The following ADGRB1 variants were observed in gnomAD, a reference collection of about 807,000 sequenced individuals.
ADGRB1 encodes the protein adhesion G protein-coupled receptor B1.
ADGRB1 carries 36 observed loss-of-function variants against 175.7 expected under a neutral mutation model. That is an observed-to-expected ratio of 0.20 (90% CI 0.16 to 0.27). The LOEUF is 0.27. ADGRB1 is among the 10% of genes least tolerant of loss of function. The probability of loss-of-function intolerance (pLI) is 1.00; values close to 1 mark genes in which losing one functional copy is unlikely to be tolerated. For missense variants in ADGRB1, 1,731 were observed against 2,255.3 expected, an observed-to-expected ratio of 0.77 and a Z score of 4.71; for synonymous variants, 1,054 against 979.4, an observed-to-expected ratio of 1.08 and a Z score of -1.42.
intron 2 of ADGRB1, among the ~76,000 whole-genome samples, chr8:142,471,044 G>C (rs1840635294): frequency 6.6e-6 from 1 of 152,176 alleles, no homozygotes. Context: ...GTCTCATGGT[G>C]ACAGGGAGCA....
At chr8:142,453,228 G>C (rs1399790357) in intron 1 of ADGRB1, among the ~76,000 whole-genome samples, 1 of 152,160 alleles carries the variant, frequency 6.6e-6, no homozygotes, top group Non-Finnish European at 1.5e-5. Flanking sequence ...CGGGAGGCTG[G>C]GGGCACGTGT....
rs538528971 is a variant in ADGRB1, at chr8:142,537,308, C to A, written c.3666+226C>A. Among the ~76,000 whole-genome samples the A allele has an allele frequency of 3.3e-5, 5 of 152,024 alleles. No homozygotes were observed. The highest frequency in any genetic ancestry group is 1.2e-4 in the African/African-American group (5 of 41,372). On this transcript the variant is annotated intron_variant, in intron 26 of 30. Coordinates refer to ENST00000517894, the MANE Select transcript of ADGRB1 (RefSeq NM_001702.3). The surrounding 1 kb of genome is among the most constrained non-coding windows in gnomAD (Gnocchi z 4.6). ...GAGCTGATGAGTTTGGAGGTCTCAG[C>A]GGAGGCTGGCATCCACCCCACACTC...
At chr8:142,466,779 G>A (rs1400729654) in intron 2 of ADGRB1, among the ~76,000 whole-genome samples, 2 of 152,156 alleles carry the variant, frequency 1.3e-5, no homozygotes, top group African/African-American at 2.4e-5. Flanking sequence ...TTTGGGAGGT[G>A]GGAGGCTGCA....
intron 3 of ADGRB1, 27 bp downstream of exon 3, chr8:142,475,662 C>G: frequency 8.2e-7 from 1 of 1,214,788 alleles, no homozygotes; most frequent in Non-Finnish European, 1.0e-6. Context: ...CGGGGCGGAG[C>G]CGGAGCCCTG....
At chr8:142,512,551 G>A (rs1843162785) in intron 18 of ADGRB1, among the ~76,000 whole-genome samples, 1 of 152,188 alleles carries the variant, frequency 6.6e-6, no homozygotes, top group African/African-American at 2.4e-5. Context: ...CCAGCCCGGT[G>A]TCAGGCCTGC....
At chr8:142,502,735 G>A (rs1444702362) in intron 17 of ADGRB1, among the ~76,000 whole-genome samples, 3 of 151,768 alleles carry the variant, frequency 2.0e-5, no homozygotes, top group African/African-American at 4.9e-5. Flanking sequence ...AGTGGTGGTG[G>A]TTGTGATATA....
chr8:142,501,575 C>T (rs190456163), intron 17 of ADGRB1, among the ~76,000 whole-genome samples: 3 of 98,870 alleles, frequency 3.0e-5, no homozygotes, highest in African/African-American at 9.8e-5. Context: ...ATGGTGGTGG[C>T]GGTGATGGCG....
chr8:142,514,885 A>G (rs1843329038), intron 18 of ADGRB1, among the ~76,000 whole-genome samples: 2 of 152,136 alleles, frequency 1.3e-5, no homozygotes, highest in African/African-American at 4.8e-5. Context: ...GGCTTAGTCT[A>G]TGACTAGAGA....
intron 22 of ADGRB1, among the ~76,000 whole-genome samples, chr8:142,523,515 AG>A (rs1390328551): frequency 6.6e-6 from 1 of 151,926 alleles, no homozygotes; most frequent in Non-Finnish European, 1.5e-5. Flanking sequence ...CTGAGGGCCC[AG>A]GGGGTGAGTG....
At chr8:142,523,137 A>C (rs1587408054) in intron 22 of ADGRB1, among the ~76,000 whole-genome samples, 1 of 152,300 alleles carries the variant, frequency 6.6e-6, no homozygotes, top group African/African-American at 2.4e-5. Context: ...CAGGGGTCGG[A>C]GGCTTATTTC....
At chr8:142,499,441 G>C (rs1260431984) in intron 17 of ADGRB1, among the ~76,000 whole-genome samples, 1 of 152,262 alleles carries the variant, frequency 6.6e-6, no homozygotes, top group Non-Finnish European at 1.5e-5. Context: ...GGGGGCCGGA[G>C]ACTTGGGGTA....
chr8:142,474,994 T>G lies in ADGRB1; in HGVS notation c.785-480T>G, dbSNP rs183297670. 3.0e-3 allele frequency among the ~76,000 whole-genome samples: 464 copies of G among 152,196 alleles called. 1 individual carries two copies. Among genetic ancestry groups the G allele is most frequent in the African/African-American group, 0.01 (429 of 41,524 alleles). On this transcript the variant is annotated intron_variant, in intron 2 of 30. Transcript: ENST00000517894. This position sits in a 1 kb window ranked among gnomAD's most constrained non-coding sequence, Gnocchi z 5.8. ...CAGGTCACAGCTGGGGTGTGAAATG[T>G]GGAGCCCTGGTGATGAGGGTGGTGA... is the stretch of plus-strand genomic sequence containing the variant.
rs1248141310 is a variant in ADGRB1 at position 142,481,333 on chromosome 8, C to T, written c.1908C>T (p.Ser636=). The change falls in exon 10 of 31, where the codon TCC becomes TCT. Residue 636 remains serine (S), a synonymous_variant. Coordinates refer to ENST00000517894, the MANE Select transcript of ADGRB1 (RefSeq NM_001702.3). ...CCCCCACCTACATCCGCTGTGTTTCCATTGACTACAGAAACATCCAGATGA... is the reference window on the plus strand; with the variant it reads ...CCCCCACCTACATCCGCTGTGTTTCTATTGACTACAGAAACATCCAGATGA... The part of the protein sequence containing the change: ...WEPPTYIRCV[S]IDYRNIQMMT... The T allele has an allele frequency of 1.9e-6, 3 of 1,613,762 alleles. No homozygotes were observed. The highest frequency in any genetic ancestry group is 2.2e-5 in the East Asian group (1 of 44,884).
Position 142,492,332 on chromosome 8 carries a change from A to G in ADGRB1, c.2675+1517A>G, listed in dbSNP as rs1587334545. Among the ~76,000 whole-genome samples the G allele has an allele frequency of 6.6e-6, 1 of 152,010 alleles. No homozygotes were observed. The highest frequency in any genetic ancestry group is 1.9e-4 in the East Asian group (1 of 5,180). On this transcript the variant is annotated intron_variant, in intron 17 of 30. Coordinates refer to ENST00000517894, the MANE Select transcript of ADGRB1 (RefSeq NM_001702.3). This position sits in a 1 kb window ranked among gnomAD's most constrained non-coding sequence, Gnocchi z 4.4. ...ACTATTCTGGCAGGTCCCAGCCTTT[A>G]GCCTCCTCTCCCCAGTGAGGAGGGA...
In ADGRB1 at chr8:142,542,664, T is replaced by A; in HGVS notation, c.4413+17T>A. ...TCCCTGGAGGTGAGGGGGGCAGGGG[T>A]GGGCCACACCCCAGCCAGCGAGGGC... On this transcript the variant is annotated intron_variant, in intron 28 of 30. Transcript: ENST00000517894. The surrounding 1 kb of genome is among the most constrained non-coding windows in gnomAD (Gnocchi z 6.3). 1 of 1,531,674 alleles carries A rather than the reference T, an allele frequency of 6.5e-7. No individual in the cohort carries two copies. Among genetic ancestry groups the A allele is most frequent in the Non-Finnish European group, 8.8e-7 (1 of 1,138,682 alleles). The allele number at this position is 1,531,674 out of a possible 1,614,324, so 94.9% of individuals were successfully genotyped here.
intron 25 of ADGRB1, among the ~76,000 whole-genome samples, chr8:142,534,049 C>T (rs902426597): frequency 6.6e-6 from 1 of 152,204 alleles, no homozygotes; most frequent in South Asian, 2.1e-4. Context: ...CCTGGGTCCC[C>T]CTGGAGAGAC....
At position 142,454,219 on chromosome 8, in the gene ADGRB1, C is replaced by T. The variant is rs551874932; in HGVS notation, c.-220+4115C>T. ...ACGCCCACAGCTGCACTGCACAAGA[C>T]GCAGGCCACATTCATCACAGTGGGC... On this transcript the variant is annotated intron_variant, in intron 1 of 30. Transcript: ENST00000517894. Among the ~76,000 whole-genome samples the T allele has an allele frequency of 1.5e-4, 23 of 152,292 alleles. No homozygotes were observed. In the South Asian group the frequency reaches 3.7e-3, roughly 25 times the overall value.
At chr8:142,516,510 G>T (rs77558925) in intron 18 of ADGRB1, among the ~76,000 whole-genome samples, 1 of 145,328 alleles carries the variant, frequency 6.9e-6, no homozygotes, top group Non-Finnish European at 1.5e-5. Flanking sequence ...CCCCAGGTGC[G>T]TGCGTGTGCG....
rs955638101 is a variant in ADGRB1, at chr8:142,492,932, G to A, written c.2675+2117G>A. 6.6e-5 allele frequency among the ~76,000 whole-genome samples: 10 copies of A among 151,956 alleles called. No homozygotes were observed. Among genetic ancestry groups the A allele is most frequent in the African/African-American group, 2.4e-4 (10 of 41,396 alleles). On this transcript the variant is annotated intron_variant, in intron 17 of 30. Transcript: ENST00000517894. The surrounding 1 kb of genome is among the most constrained non-coding windows in gnomAD (Gnocchi z 4.4). ...AAACCCTCCATCCGGGCTGTTCGCC[G>A]GCCGCGGCAGCTCTCGGGGGGCTGC...
Sources: gnomAD v4.1 joint callset for allele counts (sites outside exome capture counted in the v4.1 genomes callset) on GRCh38, gnomAD v4.1.1 for gene constraint, Gnocchi (gnomAD v3.1) non-coding constraint, MANE v1.5 for transcripts, NCBI Gene and HGNC (gene_info 2026-07-23, HGNC 2026-07-21) for gene names.